The following TJP1 variants were observed in gnomAD, a reference collection of about 807,000 sequenced individuals.
The protein encoded by TJP1 is tight junction protein 1, also known as tight junction protein ZO-1.
A neutral mutation model predicts 194.2 loss-of-function variants in TJP1; 43 were observed. The observed-to-expected ratio is 0.22, with a 90% confidence interval of 0.17 to 0.29. The LOEUF (loss-of-function observed/expected upper bound fraction) is 0.29. TJP1 is among the 10% of genes least tolerant of loss of function. The probability of loss-of-function intolerance (pLI) is 1.00; values close to 1 mark genes in which losing one functional copy is unlikely to be tolerated. For synonymous variants in TJP1, 801 were observed against 779.0 expected (o/e 1.03, Z -0.47); for missense variants, 1,971 against 2,185.7 (o/e 0.90, Z 1.96).
chr15:29,949,934 A>ACCACCACCT (rs2055600319), intron 2 of TJP1, among the ~76,000 whole-genome samples: 3 of 23,094 alleles, frequency 1.3e-4, no homozygotes, highest in Non-Finnish European at 2.0e-4. Context: ...CACCACCACC[A>ACCACCACCT]CCACCTCCAC....
At chr15:29,817,501 T>C (rs2050007900) in intron 1 of TJP1, among the ~76,000 whole-genome samples, 1 of 152,206 alleles carries the variant, frequency 6.6e-6, no homozygotes, top group Non-Finnish European at 1.5e-5. Context: ...CAAAGGAATA[T>C]AAATCATTCT....
chr15:29,777,315 C>T (rs2047079221), intron 2 of TJP1, among the ~76,000 whole-genome samples: 1 of 152,142 alleles, frequency 6.6e-6, no homozygotes, highest in Non-Finnish European at 1.5e-5. Flanking sequence ...GCCATTGTTT[C>T]TGAACCTTCA....
intron 2 of TJP1, among the ~76,000 whole-genome samples, chr15:29,949,296 C>CCACCACCACCACCTT: frequency 7.8e-6 from 1 of 128,976 alleles, no homozygotes; most frequent in African/African-American, 3.0e-5. Context: ...GCCATCACCT[C>CCACCACCACCACCTT]CACCACCACC....
intron 2 of TJP1, among the ~76,000 whole-genome samples, chr15:29,945,587 G>A (rs1349981206): frequency 6.6e-6 from 1 of 152,222 alleles, no homozygotes; most frequent in Non-Finnish European, 1.5e-5. Flanking sequence ...CTGGTGGGCA[G>A]AGGAGGATCA....
At chr15:29,960,159 C>G (rs1015473164) in intron 1 of TJP1, among the ~76,000 whole-genome samples, 1 of 152,218 alleles carries the variant, frequency 6.6e-6, no homozygotes, top group Non-Finnish European at 1.5e-5. Flanking sequence ...CACTATTCTC[C>G]CTTTATGCCA....
rs911520401 is a variant in TJP1 at position 29,772,147 on chromosome 15, T to A, written c.229A>T (p.Met77Leu). 6.2e-7 allele frequency: 1 copy of A among 1,602,036 alleles called. No individual in the cohort carries two copies. Reference protein sequence around the residue: ...GQLQENDRVAMVNGVSMDNVE... With the variant: ...GQLQENDRVALVNGVSMDNVE... ...TTATCCATTGAAACTCCGTTAACCATTGCAACTCGGTCATTTTCCCTAAGG... is the reference window on the plus strand; with the variant it reads ...TTATCCATTGAAACTCCGTTAACCAATGCAACTCGGTCATTTTCCCTAAGG... Residue 77 changes from methionine to leucine, a missense_variant, in exon 4 of 28, where the codon ATG (methionine) becomes TTG (leucine). By Grantham distance (15) the Met-to-Leu change is conservative. Around this residue, in one of 5 missense-constraint regions of TJP1, gnomAD observed 245 missense variants for 336.6 expected, o/e 0.73. Coordinates refer to ENST00000614355, the MANE Select transcript of TJP1 (RefSeq NM_001330239.4).
At chr15:29,728,184 CCTTT>C in intron 15 of TJP1, 165 bp from the exon 16 acceptor site, 1 of 448,702 alleles carries the variant, frequency 2.2e-6, no homozygotes, top group Non-Finnish European at 3.9e-6. Flanking sequence ...TGCATACTTC[CCTTT>C]TTTTTTTTCA....
At chr15:29,742,131 T>C (rs773189260) in intron 9 of TJP1, among the ~76,000 whole-genome samples, 97 of 151,812 alleles carry the variant, frequency 6.4e-4, no homozygotes, top group Non-Finnish European at 1.1e-3. Flanking sequence ...GGTGCGGTGG[T>C]GCACACCTGT....
chr15:29,942,731 T>C (rs1239572970), intron 2 of TJP1, among the ~76,000 whole-genome samples: 1 of 152,202 alleles, frequency 6.6e-6, no homozygotes, highest in African/African-American at 2.4e-5. Context: ...CACAGCACAC[T>C]CTGATGTCCC....
intron 2 of TJP1, among the ~76,000 whole-genome samples, chr15:29,931,774 T>C (rs1251863012): frequency 2.0e-5 from 3 of 152,250 alleles, no homozygotes; most frequent in Non-Finnish European, 2.9e-5. Context: ...TGAAAACAAG[T>C]TTATTAGGAA....
chr15:29,823,580 T>G (rs1663601017), upstream of TJP1: 2 of 152,100 alleles, frequency 1.3e-5, no homozygotes, highest in African/African-American at 4.8e-5. Context: ...AAGAACAAAT[T>G]TAACAAAGAA....
rs752222937 is a variant in TJP1 at position 29,762,317 on chromosome 15, G to C, written c.693+18C>G. On this transcript the variant is annotated intron_variant, in intron 6 of 27. Coordinates refer to ENST00000614355, the MANE Select transcript of TJP1 (RefSeq NM_001330239.4). ...GTTTTCTATTTCAGTTCATTAAAAA[G>C]TAAGAATATGATTATACCTTCAATA... 1 of 1,584,132 alleles carries C rather than the reference G, an allele frequency of 6.3e-7. No homozygotes were observed. The highest frequency in any genetic ancestry group is 8.6e-7 in the Non-Finnish European group (1 of 1,157,368).
At position 29,928,719 on chromosome 15, in the gene TJP1, A is replaced by G. The variant is rs545036274; in HGVS notation, c.306+27513T>C. ...AGCACTTTGGGAGGCCAAGGCGGGCAGATCACGAGGTCAGGAGATCGAGAC... is the reference window on the plus strand; with the variant it reads ...AGCACTTTGGGAGGCCAAGGCGGGCGGATCACGAGGTCAGGAGATCGAGAC... On this transcript the variant is annotated intron_variant, in intron 2 of 28. Transcript: ENST00000356107. Among the ~76,000 whole-genome samples, 103 of 152,194 alleles carry G rather than the reference A, an allele frequency of 6.8e-4. No homozygotes were observed. The South Asian group carries it at 0.017, about 25-fold the overall frequency.
intron 2 of TJP1, among the ~76,000 whole-genome samples, chr15:29,852,632 G>A (rs565567249): frequency 4.5e-4 from 69 of 152,232 alleles, no homozygotes; most frequent in African/African-American, 1.5e-3. Flanking sequence ...ACTTAGGGCC[G>A]GGCATGGTGG....
chr15:29,710,642 G>A (rs370292575), intron 24 of TJP1, among the ~76,000 whole-genome samples, 189 bp downstream of exon 24: 78 of 152,220 alleles, frequency 5.1e-4, no homozygotes, highest in African/African-American at 1.8e-3. Context: ...TAGCTAAAAG[G>A]CTTGTCCAAA....
At chr15:29,940,594 C>T (rs1270675453) in intron 2 of TJP1, among the ~76,000 whole-genome samples, 1 of 152,110 alleles carries the variant, frequency 6.6e-6, no homozygotes, top group Admixed American at 6.5e-5. Context: ...CAGACAGATT[C>T]ACTATGTTAT....
intron 2 of TJP1, among the ~76,000 whole-genome samples, chr15:29,947,277 G>T (rs529614914): frequency 6.6e-6 from 1 of 152,242 alleles, no homozygotes; most frequent in East Asian, 1.9e-4. Context: ...ATGGCAAACC[G>T]ATTTATCTGA....
intron 8 of TJP1, among the ~76,000 whole-genome samples, chr15:29,748,944 G>T (rs1041741603): frequency 1.7e-4 from 3 of 17,532 alleles, no homozygotes; most frequent in African/African-American, 2.7e-4. Flanking sequence ...GTGTGTGTGT[G>T]TGTGTGTGTG....
chr15:29,904,061 T>C (rs1386948722), intron 2 of TJP1, among the ~76,000 whole-genome samples: 1 of 152,128 alleles, frequency 6.6e-6, no homozygotes, highest in East Asian at 1.9e-4. Flanking sequence ...GCTGAACTCC[T>C]TCAGGCCTTA....
Sources: gnomAD v4.1 joint callset for allele counts (sites outside exome capture counted in the v4.1 genomes callset) on GRCh38, gnomAD v4.1.1 for gene constraint, gnomAD v4.1.1 regional missense constraint, MANE v1.5 for transcripts, NCBI Gene and HGNC (gene_info 2026-07-23, HGNC 2026-07-21) for gene names.